The following MGAT4C variants were observed in gnomAD, a reference collection of about 807,000 sequenced individuals.
MGAT4C encodes the protein alpha-1,3-mannosyl-glycoprotein 4-beta-N-acetylglucosaminyltransferase C.
Under a neutral mutation model 40.1 loss-of-function variants are expected in MGAT4C, and 19 were observed. That is an observed-to-expected ratio of 0.47 (90% CI 0.33 to 0.70). MGAT4C has a LOEUF of 0.70. Ranked by LOEUF, MGAT4C falls within the 30% of genes least tolerant of loss-of-function variation. MGAT4C has a pLI of 0.02. For missense variants in MGAT4C, 491 were observed against 563.2 expected (o/e 0.87, Z 1.30); for synonymous variants, 181 against 187.1 (o/e 0.97, Z 0.27).
intron 3 of MGAT4C, among the ~76,000 whole-genome samples, chr12:86,428,322 T>G (rs2136265603): frequency 6.6e-6 from 1 of 152,280 alleles, no homozygotes; most frequent in African/African-American, 2.4e-5. Context: ...TCTCTGATCC[T>G]CGTGTACTCA....
intron 4 of MGAT4C, among the ~76,000 whole-genome samples, chr12:86,281,523 T>C (rs1474522699): frequency 6.6e-6 from 1 of 152,042 alleles, no homozygotes; most frequent in East Asian, 1.9e-4. Flanking sequence ...TAAATAATTA[T>C]TGGAAGACTT....
intron 2 of MGAT4C, among the ~76,000 whole-genome samples, chr12:86,610,821 C>G (rs913164165): frequency 7.0e-6 from 1 of 142,944 alleles, no homozygotes; most frequent in East Asian, 2.2e-4. Context: ...AAATGAGAGA[C>G]GGGAAAGTAG....
At chr12:86,290,120 C>T (rs1040359649) in intron 4 of MGAT4C, among the ~76,000 whole-genome samples, 1 of 151,772 alleles carries the variant, frequency 6.6e-6, no homozygotes, top group African/African-American at 2.4e-5. Flanking sequence ...GATCTCTGCT[C>T]ACGGCAACCT....
intron 3 of MGAT4C, among the ~76,000 whole-genome samples, chr12:86,355,640 G>A (rs1480765106): frequency 1.3e-5 from 2 of 151,900 alleles, no homozygotes; most frequent in Non-Finnish European, 2.9e-5. Flanking sequence ...AAAAATTGAA[G>A]ACAGATACAC....
intron 4 of MGAT4C, among the ~76,000 whole-genome samples, chr12:86,296,695 G>C (rs1027900608): frequency 1.1e-4 from 16 of 152,330 alleles, no homozygotes; most frequent in African/African-American, 3.6e-4. Flanking sequence ...CAGCGGCTCC[G>C]AGTGCGGGGC....
At chr12:86,013,565 T>C (rs951115869) in intron 2 of MGAT4C, 2 of 178,568 alleles carry the variant, frequency 1.1e-5, no homozygotes, top group African/African-American at 4.8e-5. Context: ...ATACATAATG[T>C]GGCATATATT....
At chr12:86,627,014 C>T (rs1313004846) in intron 2 of MGAT4C, among the ~76,000 whole-genome samples, 1 of 152,200 alleles carries the variant, frequency 6.6e-6, no homozygotes, top group East Asian at 1.9e-4. Context: ...ACACTGCCAC[C>T]TAAATACTGC....
intron 1 of MGAT4C, among the ~76,000 whole-genome samples, chr12:86,797,476 T>A (rs1035678621): frequency 2.0e-5 from 3 of 151,848 alleles, no homozygotes; most frequent in African/African-American, 7.2e-5. Context: ...AATTGCCAAA[T>A]GTAACAGATA....
At chr12:86,142,727 T>G (rs1393525829) in intron 1 of MGAT4C, among the ~76,000 whole-genome samples, 1 of 151,982 alleles carries the variant, frequency 6.6e-6, no homozygotes, top group African/African-American at 2.4e-5. Context: ...TTTTTGTTTT[T>G]TTTGTGGAGG....
At chr12:86,055,552 C>T (rs537110157) in intron 1 of MGAT4C, among the ~76,000 whole-genome samples, 2 of 151,992 alleles carry the variant, frequency 1.3e-5, no homozygotes, top group Admixed American at 6.6e-5. Context: ...AACACTATCC[C>T]TGTCTATAAG....
chr12:86,529,627 T>C (rs1335696682), intron 2 of MGAT4C, among the ~76,000 whole-genome samples: 1 of 152,096 alleles, frequency 6.6e-6, no homozygotes, highest in Non-Finnish European at 1.5e-5. Context: ...CTGCAATCAT[T>C]CCACCAACTT....
chr12:86,685,750 G>A (rs562973117), intron 2 of MGAT4C, among the ~76,000 whole-genome samples: 108 of 152,162 alleles, frequency 7.1e-4, no homozygotes, highest in African/African-American at 2.3e-3. Context: ...TCTTCACACC[G>A]CTTGTAAGTT....
chr12:86,676,454 C>G (rs1046094118), intron 2 of MGAT4C, among the ~76,000 whole-genome samples: 1 of 152,084 alleles, frequency 6.6e-6, no homozygotes, highest in Non-Finnish European at 1.5e-5. Flanking sequence ...AAAACAAAAA[C>G]ATACACATAA....
At chr12:86,354,548 GAA>G (rs1282612027) in intron 3 of MGAT4C, among the ~76,000 whole-genome samples, 1 of 151,558 alleles carries the variant, frequency 6.6e-6, no homozygotes, top group Non-Finnish European at 1.5e-5. Flanking sequence ...GAAGTTATAA[GAA>G]TAAACCACAG....
intron 1 of MGAT4C, among the ~76,000 whole-genome samples, chr12:86,100,524 T>C (rs541654315): frequency 2.6e-5 from 4 of 151,576 alleles, no homozygotes; most frequent in African/African-American, 9.6e-5. Flanking sequence ...CCATTCCATG[T>C]TGAGATCAGC....
chr12:86,162,948 A>G (rs1226289259), intron 1 of MGAT4C, among the ~76,000 whole-genome samples: 1 of 152,216 alleles, frequency 6.6e-6, no homozygotes, highest in African/African-American at 2.4e-5. Context: ...TTCTTAGGAT[A>G]AAAGTTGTAT....
intron 1 of MGAT4C, among the ~76,000 whole-genome samples, chr12:86,813,593 T>G (rs553561828): frequency 1.8e-4 from 27 of 152,210 alleles, no homozygotes; most frequent in Non-Finnish European, 2.5e-4. Flanking sequence ...AATATGACAA[T>G]ATTTTTTATA....
rs1008434016 is a variant in MGAT4C, at chr12:85,962,607, A to C, written c.*16682T>G. On this transcript the variant is annotated 3_prime_UTR_variant, in exon 5 of 5. Coordinates refer to ENST00000611864, the MANE Select transcript of MGAT4C (RefSeq NM_001351288.2). Reference sequence around the variant, plus strand: ...AGGAATGGCTGAATTAAATGATTGAATGAAGGAGTGAAGGATGTAGATTGT... The same window carrying C: ...AGGAATGGCTGAATTAAATGATTGACTGAAGGAGTGAAGGATGTAGATTGT... 1.7e-4 allele frequency: 26 copies of C among 150,994 alleles called. No individual in the cohort carries two copies. Among genetic ancestry groups the C allele is most frequent in the Admixed American group, 1.1e-3 (17 of 15,144 alleles). 9.4% of individuals were successfully genotyped at this position (150,994 alleles called of 1,614,324 possible). A position where few individuals can be genotyped will look rare whatever the true frequency, so the allele number is the denominator to read the frequency against.
chr12:86,774,345 C>CTTTCTTTCTTTCTTTCTG (rs1951708548), intron 1 of MGAT4C, among the ~76,000 whole-genome samples: 7 of 14,928 alleles, frequency 4.7e-4, no homozygotes, highest in African/African-American at 8.0e-4. Flanking sequence ...CTTTCTGTCT[C>CTTTCTTTCTTTCTTTCTG]TCTCTCTCCC....
Sources: gnomAD v4.1 joint callset for allele counts (sites outside exome capture counted in the v4.1 genomes callset) on GRCh38, gnomAD v4.1.1 for gene constraint, MANE v1.5 for transcripts, NCBI Gene and HGNC (gene_info 2026-07-23, HGNC 2026-07-21) for gene names.